Variants in SERGEF observed in about 807,000 individuals in gnomAD.
SERGEF encodes the protein secretion regulating guanine nucleotide exchange factor, also known as secretion-regulating guanine nucleotide exchange factor.
In SERGEF, 51 loss-of-function variants were observed where a neutral mutation model predicts 50.0. That is an observed-to-expected ratio of 1.02 (90% CI 0.81 to 1.29). SERGEF has a LOEUF of 1.29. Among genes scored for constraint, SERGEF ranks in the 50% most tolerant of loss-of-function variants. The probability of loss-of-function intolerance (pLI) is 0.00; values close to 1 mark genes in which losing one functional copy is unlikely to be tolerated. For missense variants in SERGEF, 521 were observed against 557.0 expected (o/e 0.94, Z 0.65); for synonymous variants, 205 against 212.4 (o/e 0.97, Z 0.30).
At chr11:17,928,454 T>C (rs1852290168) in intron 9 of SERGEF, among the ~76,000 whole-genome samples, 1 of 152,072 alleles carries the variant, frequency 6.6e-6, no homozygotes, top group Admixed American at 6.5e-5. Context: ...TGGTGAAGAC[T>C]CCCGCTTCCA....
chr11:17,871,909 T>C (rs1160904511), intron 10 of SERGEF, among the ~76,000 whole-genome samples: 1 of 152,176 alleles, frequency 6.6e-6, no homozygotes, highest in Non-Finnish European at 1.5e-5. Flanking sequence ...TGAACTAGAA[T>C]TCCTAGTCTT....
At chr11:17,841,487 T>C (rs1411630317) in intron 10 of SERGEF, among the ~76,000 whole-genome samples, 1 of 152,182 alleles carries the variant, frequency 6.6e-6, no homozygotes, top group Non-Finnish European at 1.5e-5. Flanking sequence ...GTCCTTCTTA[T>C]CTCCACTGTT....
intron 1 of SERGEF, among the ~76,000 whole-genome samples, chr11:18,012,146 G>A (rs1004694407): frequency 1.3e-5 from 2 of 152,078 alleles, no homozygotes; most frequent in Admixed American, 6.5e-5. Context: ...ACCAAGAGAG[G>A]CACCGTGAAC....
intron 10 of SERGEF, among the ~76,000 whole-genome samples, chr11:17,792,873 A>G (rs945854851): frequency 6.6e-6 from 1 of 152,184 alleles, no homozygotes; most frequent in Non-Finnish European, 1.5e-5. Context: ...GGGCCATGTT[A>G]GGTCTCTGTC....
chr11:17,830,711 T>C (rs1346582888), intron 10 of SERGEF, among the ~76,000 whole-genome samples: 2 of 123,182 alleles, frequency 1.6e-5, no homozygotes, highest in Non-Finnish European at 3.2e-5. Context: ...CAAGAGTAAG[T>C]CAGGATGAAC....
At chr11:17,961,243 T>C (rs1852990388) in intron 8 of SERGEF, among the ~76,000 whole-genome samples, 1 of 152,198 alleles carries the variant, frequency 6.6e-6, no homozygotes, top group African/African-American at 2.4e-5. Context: ...TAAGCACTAG[T>C]CACTGCATAA....
intron 9 of SERGEF, among the ~76,000 whole-genome samples, chr11:17,900,962 A>T (rs1331152998): frequency 6.6e-6 from 1 of 152,190 alleles, no homozygotes; most frequent in African/African-American, 2.4e-5. Flanking sequence ...TAGATGTGAA[A>T]TAGGCAATTC....
intron 9 of SERGEF, among the ~76,000 whole-genome samples, chr11:17,894,775 C>G (rs558705046): frequency 6.6e-6 from 1 of 152,272 alleles, no homozygotes. Context: ...CAGCTCCTCA[C>G]CAGGGTCTTG....
In SERGEF at chr11:17,819,845, G is replaced by A. The variant is rs1488228811; in HGVS notation, c.1049-31432C>T. 1.3e-5 allele frequency among the ~76,000 whole-genome samples: 2 copies of A among 152,198 alleles called. 1 individual carries two copies. The highest frequency in any genetic ancestry group is 4.1e-4 in the South Asian group (2 of 4,826). On this transcript the variant is annotated intron_variant, in intron 10 of 10. Coordinates refer to ENST00000265965, the MANE Select transcript of SERGEF (RefSeq NM_012139.4). ...CATGGCCCACTTTTGCTTTTTTGTT[G>A]TTGTTGTTGTTGAGATAGGGTCTCA...
In SERGEF at chr11:17,801,181, C is replaced by T. The variant is rs1184011583; in HGVS notation, c.1049-12768G>A. ...CTGCACTCCGGCCTGGGCGAAAGAG[C>T]GAGACTCCGTCTCAAAAAAAAAAAA... On this transcript the variant is annotated intron_variant, in intron 10 of 10. Transcript: ENST00000265965. 3.9e-5 allele frequency among the ~76,000 whole-genome samples: 5 copies of T among 128,898 alleles called. 1 individual carries two copies. Among genetic ancestry groups the T allele is most frequent in the Non-Finnish European group, 7.9e-5 (5 of 63,134 alleles). The allele number at this position is 128,898 out of a possible 152,430, so 84.6% of individuals were successfully genotyped here.
chr11:17,961,510 G>A (rs211148), intron 8 of SERGEF, among the ~76,000 whole-genome samples: 96,299 of 152,004 alleles, frequency 0.63, 30,912 homozygotes, highest in African/African-American at 0.74. Flanking sequence ...CAGAAATCAC[G>A]CATTGAATCC....
At chr11:17,985,494 C>T (rs981998832) in intron 8 of SERGEF, among the ~76,000 whole-genome samples, 1 of 152,200 alleles carries the variant, frequency 6.6e-6, no homozygotes, top group South Asian at 2.1e-4. Context: ...CTGCAGGTCA[C>T]TGAGCCTGGA....
rs183738989 is a variant in SERGEF, at chr11:17,923,409, C to A, written c.1011+36061G>T. On this transcript the variant is annotated intron_variant, in intron 9 of 10. Transcript: ENST00000265965. ...TGTTCTTAGAAGTTCTGTCCTGAGG[C>A]CAAGAAAAAATTTCCTAGGATGGAA... 3.9e-4 allele frequency among the ~76,000 whole-genome samples: 60 copies of A among 152,278 alleles called. 1 individual carries two copies. The East Asian group carries it at 0.011, about 27-fold the overall frequency.
chr11:17,839,609 C>T (rs984425956), intron 10 of SERGEF, among the ~76,000 whole-genome samples: 4 of 152,170 alleles, frequency 2.6e-5, no homozygotes, highest in Non-Finnish European at 4.4e-5. Context: ...TGCCAGTGAG[C>T]TGACACATGC....
At chr11:17,843,504 A>C (rs1850545395) in intron 10 of SERGEF, among the ~76,000 whole-genome samples, 1 of 152,254 alleles carries the variant, frequency 6.6e-6, no homozygotes, top group African/African-American at 2.4e-5. Flanking sequence ...ATCACTACAC[A>C]GTAAGAGAAA....
chr11:17,823,599 G>T lies in SERGEF; in HGVS notation c.1049-35186C>A, dbSNP rs947217180. Among the ~76,000 whole-genome samples the T allele has an allele frequency of 3.9e-4, 59 of 152,314 alleles. 2 individuals carry two copies. The highest frequency in any genetic ancestry group is 3.4e-3 in the Admixed American group (52 of 15,306). ...GGTATTGGCAAACGGGGGAAGAGAA[G>T]GCGGGGAGGGTGGCTAGGCCCAAAC... is the stretch of plus-strand genomic sequence containing the variant. On this transcript the variant is annotated intron_variant, in intron 10 of 10. Transcript: ENST00000265965.
At position 17,993,008 on chromosome 11, in the gene SERGEF, A is replaced by G; in HGVS notation, c.623-15T>C. ...ATTCTCTAGACCTACAAAAGAAAAA[A>G]TGTTCTTCTGAATTACATTTATAAC... On this transcript the variant is annotated splice_polypyrimidine_tract_variant and intron_variant, in intron 6 of 10. Coordinates refer to ENST00000265965, the MANE Select transcript of SERGEF (RefSeq NM_012139.4). 6.2e-7 allele frequency: 1 copy of G among 1,611,356 alleles called. No individual in the cohort carries two copies. The highest frequency in any genetic ancestry group is 8.5e-7 in the Non-Finnish European group (1 of 1,177,626).
intron 10 of SERGEF, among the ~76,000 whole-genome samples, chr11:17,869,230 T>C (rs1466091411): frequency 6.6e-6 from 1 of 152,074 alleles, no homozygotes; most frequent in Non-Finnish European, 1.5e-5. Context: ...TAATCTATAG[T>C]AAAATAAAAG....
chr11:17,843,643 G>A (rs1029966961), intron 10 of SERGEF, among the ~76,000 whole-genome samples: 1 of 152,108 alleles, frequency 6.6e-6, no homozygotes, highest in African/African-American at 2.4e-5. Flanking sequence ...GTGTATAGGT[G>A]GTATAAAGCC....
Sources: gnomAD v4.1 joint callset for allele counts (sites outside exome capture counted in the v4.1 genomes callset) on GRCh38, gnomAD v4.1.1 for gene constraint, MANE v1.5 for transcripts, NCBI Gene and HGNC (gene_info 2026-07-23, HGNC 2026-07-21) for gene names.